Variants in PDE7B observed in about 807,000 individuals in gnomAD.
The protein encoded by PDE7B is 3',5'-cyclic-AMP phosphodiesterase 7B.
Under a neutral mutation model 56.2 loss-of-function variants are expected in PDE7B, and 29 were observed. The ratio of observed to expected loss-of-function variants is 0.52; its 90% confidence interval spans 0.38 to 0.70. The LOEUF (loss-of-function observed/expected upper bound fraction) is 0.70, where lower values mean the gene tolerates loss of function less well. Among genes scored for constraint, PDE7B ranks in the 30% least tolerant of loss-of-function variants. PDE7B has a pLI of 0.00. For missense variants in PDE7B, 490 were observed against 565.0 expected (o/e 0.87, Z 1.35); for synonymous variants, 197 against 196.9 (o/e 1.00, Z 0.00).
chr6:136,055,674 C>G (rs1460678124), intron 2 of PDE7B, among the ~76,000 whole-genome samples: 1 of 152,088 alleles, frequency 6.6e-6, no homozygotes, highest in Admixed American at 6.6e-5. Flanking sequence ...AATATGAAAA[C>G]AAGTGGATCC....
chr6:136,139,061 T>C (rs1220324018), intron 3 of PDE7B, among the ~76,000 whole-genome samples: 4 of 152,170 alleles, frequency 2.6e-5, no homozygotes, highest in Admixed American at 6.6e-5. Flanking sequence ...GTTGGTGTGC[T>C]GCACCCATTA....
At chr6:136,185,363 C>G (rs1779127367) in intron 11 of PDE7B, among the ~76,000 whole-genome samples, 1 of 152,214 alleles carries the variant, frequency 6.6e-6, no homozygotes, top group African/African-American at 2.4e-5. Flanking sequence ...GTGGTGTGAC[C>G]TACTAGCAAC....
chr6:135,985,458 G>A (rs1419351431), intron 2 of PDE7B, among the ~76,000 whole-genome samples: 1 of 151,980 alleles, frequency 6.6e-6, no homozygotes, highest in Non-Finnish European at 1.5e-5. Context: ...GAAAATGAGT[G>A]TGAAGAGGAG....
intron 3 of PDE7B, chr6:136,114,929 C>T (rs886441482): frequency 1.3e-5 from 2 of 152,218 alleles, no homozygotes; most frequent in Non-Finnish European, 2.9e-5. Flanking sequence ...AAGCTCCCAG[C>T]ACTTCAGCTG....
At chr6:136,034,839 G>A (rs1364756902) in intron 2 of PDE7B, 2 of 152,562 alleles carry the variant, frequency 1.3e-5, no homozygotes, top group Non-Finnish European at 2.9e-5. Context: ...GGGCCCTCAG[G>A]GCCCGCACAG....
intron 1 of PDE7B, among the ~76,000 whole-genome samples, chr6:135,926,585 G>A (rs1044811572): frequency 6.6e-6 from 1 of 152,020 alleles, no homozygotes; most frequent in African/African-American, 2.4e-5. Flanking sequence ...ACTTTTCAAA[G>A]AGGGTCATAT....
intron 3 of PDE7B, among the ~76,000 whole-genome samples, chr6:136,138,566 AT>A (rs968308034): frequency 6.6e-6 from 1 of 151,802 alleles, no homozygotes; most frequent in East Asian, 1.9e-4. Flanking sequence ...TACCTTGAGG[AT>A]TTTTTTTCTG....
chr6:135,855,274 A>G (rs1331735961), intron 1 of PDE7B, among the ~76,000 whole-genome samples: 1 of 152,230 alleles, frequency 6.6e-6, no homozygotes, highest in Non-Finnish European at 1.5e-5. Flanking sequence ...AATCATTACT[A>G]CATGTTTTCA....
At chr6:136,002,719 C>A (rs1167400519) in intron 2 of PDE7B, among the ~76,000 whole-genome samples, 1 of 152,164 alleles carries the variant, frequency 6.6e-6, no homozygotes, top group African/African-American at 2.4e-5. Context: ...TAGTGACCTA[C>A]AAAGAGACTT....
chr6:136,158,657 C>T (rs12201406), intron 8 of PDE7B, among the ~76,000 whole-genome samples: 4,049 of 152,258 alleles, frequency 0.027, 77 homozygotes, highest in Non-Finnish European at 0.045. Context: ...GGGCTCCCTC[C>T]CATGGTCTGT....
At chr6:136,175,711 C>T (rs1455270067) in intron 9 of PDE7B, among the ~76,000 whole-genome samples, 1 of 152,044 alleles carries the variant, frequency 6.6e-6, no homozygotes, top group Non-Finnish European at 1.5e-5. Context: ...TTATTGTATA[C>T]CACTACTGCC....
intron 8 of PDE7B, among the ~76,000 whole-genome samples, chr6:136,171,245 G>A (rs1269679502): frequency 2.6e-5 from 4 of 152,166 alleles, no homozygotes; most frequent in Non-Finnish European, 5.9e-5. Context: ...CTCAAGGACA[G>A]GAATGTTAAG....
At chr6:136,131,198 C>G (rs1267796532) in intron 3 of PDE7B, among the ~76,000 whole-genome samples, 1 of 152,108 alleles carries the variant, frequency 6.6e-6, no homozygotes, top group African/African-American at 2.4e-5. Flanking sequence ...CATTTGACAA[C>G]TACCAAAAAA....
At chr6:136,181,386 T>C in intron 11 of PDE7B, 63 bp downstream of exon 11, 1 of 994,936 alleles carries the variant, frequency 1.0e-6, no homozygotes, top group Non-Finnish European at 1.6e-6. Context: ...TTTATCCTAA[T>C]AAAACAGGAA....
chr6:136,136,409 C>G (rs531940931), intron 3 of PDE7B, among the ~76,000 whole-genome samples: 20 of 152,028 alleles, frequency 1.3e-4, no homozygotes, highest in Middle Eastern at 3.2e-3. Context: ...CAAAACCTTA[C>G]AGCATAATAA....
intron 1 of PDE7B, among the ~76,000 whole-genome samples, chr6:135,924,038 T>C (rs910923377): frequency 6.6e-6 from 1 of 152,210 alleles, no homozygotes; most frequent in Non-Finnish European, 1.5e-5. Context: ...CAAATTTTTT[T>C]AAATGTAAAA....
In PDE7B at chr6:135,981,485, G is replaced by A. The variant is rs958865519; in HGVS notation, c.82+33961G>A. On this transcript the variant is annotated intron_variant, in intron 2 of 12. Transcript: ENST00000308191. ...TATTAAACAGACTACTGGTATTTTGGTTTCTTTTGTTATCTAACAAAAACA... is the reference window on the plus strand; with the variant it reads ...TATTAAACAGACTACTGGTATTTTGATTTCTTTTGTTATCTAACAAAAACA... Among the ~76,000 whole-genome samples, 3 of 150,312 alleles carry A rather than the reference G, an allele frequency of 2.0e-5. No homozygotes were observed. In the East Asian group the frequency reaches 5.9e-4, roughly 30 times the overall value.
intron 2 of PDE7B, among the ~76,000 whole-genome samples, chr6:135,952,030 A>T (rs1774710901): frequency 6.6e-6 from 1 of 152,182 alleles, no homozygotes; most frequent in African/African-American, 2.4e-5. Flanking sequence ...TACTCACAGA[A>T]GTTGCTTCAT....
intron 2 of PDE7B, among the ~76,000 whole-genome samples, chr6:135,988,273 G>A (rs1412552481): frequency 6.6e-6 from 1 of 151,912 alleles, no homozygotes; most frequent in Non-Finnish European, 1.5e-5. Context: ...CCCAGCGTGT[G>A]GAATTAGTGA....
Sources: gnomAD v4.1 joint callset for allele counts (sites outside exome capture counted in the v4.1 genomes callset) on GRCh38, gnomAD v4.1.1 for gene constraint, MANE v1.5 for transcripts, NCBI Gene and HGNC (gene_info 2026-07-23, HGNC 2026-07-21) for gene names.